The following SLC22A23 variants were observed in gnomAD, a reference collection of about 807,000 sequenced individuals.
SLC22A23 encodes the protein solute carrier family 22 member 23.
A neutral mutation model predicts 61.0 loss-of-function variants in SLC22A23; 26 were observed. The ratio of observed to expected loss-of-function variants is 0.43; its 90% CI spans 0.31 to 0.59. SLC22A23 has a LOEUF of 0.59. Ranked by LOEUF, SLC22A23 falls within the 20% of genes least tolerant of loss-of-function variation. SLC22A23 has a pLI of 0.11. For missense variants in SLC22A23, 796 were observed against 934.7 expected, an observed-to-expected ratio of 0.85 and a Z score of 1.94; for synonymous variants, 430 against 413.9, an observed-to-expected ratio of 1.04 and a Z score of -0.47.
intron 3 of SLC22A23, among the ~76,000 whole-genome samples, chr6:3,359,362 A>G (rs1343517726): frequency 6.6e-6 from 1 of 152,218 alleles, no homozygotes; most frequent in Non-Finnish European, 1.5e-5. Flanking sequence ...ACATATAACT[A>G]TCCATCTGAG....
At chr6:3,383,199 GAT>G (rs1767063957) in intron 3 of SLC22A23, among the ~76,000 whole-genome samples, 1 of 152,230 alleles carries the variant, frequency 6.6e-6, no homozygotes, top group Admixed American at 6.5e-5. Context: ...CTGAGTGAAA[GAT>G]AACGTATGGA....
intron 3 of SLC22A23, among the ~76,000 whole-genome samples, chr6:3,370,338 C>T (rs939357689): frequency 3.9e-5 from 6 of 152,232 alleles, no homozygotes; most frequent in East Asian, 1.9e-4. Flanking sequence ...TGAGGAATTG[C>T]GAGGCTCACC....
In SLC22A23 at chr6:3,452,639, G is replaced by C. The variant is rs1005010331; in HGVS notation, c.654+3267C>G. On this transcript the variant is annotated intron_variant, in intron 1 of 9. Transcript: ENST00000406686. ...AAAAAAAAAAAAAAAAAAAAAAAAA[G>C]CCTAGAGACTGACCTTGGGTTATTA... Among the ~76,000 whole-genome samples the C allele has an allele frequency of 7.4e-5, 6 of 81,206 alleles. No homozygotes were observed. In the East Asian group the frequency reaches 1.3e-3, roughly 17 times the overall value. 53.3% of individuals were successfully genotyped at this position (81,206 alleles called of 152,430 possible).
intron 7 of SLC22A23, among the ~76,000 whole-genome samples, chr6:3,285,509 G>T (rs1050676011): frequency 6.6e-6 from 1 of 152,222 alleles, no homozygotes; most frequent in Non-Finnish European, 1.5e-5. Flanking sequence ...CGGCTGCTTG[G>T]TGTTCGCCTG....
At chr6:3,381,374 C>T (rs1473494535) in intron 3 of SLC22A23, among the ~76,000 whole-genome samples, 1 of 152,176 alleles carries the variant, frequency 6.6e-6, no homozygotes, top group Non-Finnish European at 1.5e-5. Context: ...GGGACCTTTC[C>T]CTAGGACACC....
At chr6:3,307,311 A>G (rs562627414) in intron 4 of SLC22A23, among the ~76,000 whole-genome samples, 1 of 152,116 alleles carries the variant, frequency 6.6e-6, no homozygotes, top group Non-Finnish European at 1.5e-5. Context: ...CCTCCTGATG[A>G]CACATCTAGT....
intron 9 of SLC22A23, chr6:3,276,729 G>A (rs2127290913): frequency 6.6e-6 from 1 of 152,380 alleles, no homozygotes; most frequent in East Asian, 1.9e-4. Flanking sequence ...GATGCCTTCT[G>A]GTACAGGGTC....
At position 3,410,874 on chromosome 6, in the gene SLC22A23, C is replaced by T. The variant is rs1405175561; in HGVS notation, c.759-532G>A. Among the ~76,000 whole-genome samples, 1 of 152,210 alleles carries T rather than the reference C, an allele frequency of 6.6e-6. No homozygotes were observed. The highest frequency in any genetic ancestry group is 1.5e-5 in the Non-Finnish European group (1 of 68,042). The stretch of plus-strand genomic sequence containing the variant: ...GCCATCTGTCAATTTGTTTCAGCTA[C>T]ACGACGAGAAGTAATTTTTAAGGGA... On this transcript the variant is annotated intron_variant, in intron 2 of 9. Coordinates refer to ENST00000406686, the MANE Select transcript of SLC22A23 (RefSeq NM_015482.2). This position sits in a 1 kb window ranked among gnomAD's most constrained non-coding sequence, Gnocchi z 5.0.
intron 4 of SLC22A23, chr6:3,323,578 G>A (rs1016191357): frequency 3.6e-6 from 2 of 553,090 alleles, no homozygotes; most frequent in African/African-American, 1.9e-5. Flanking sequence ...AGCCAGACTG[G>A]CCAGTGCATT....
At chr6:3,415,710 G>T in intron 2 of SLC22A23, 42 bp downstream of exon 2, 1 of 1,354,330 alleles carries the variant, frequency 7.4e-7, no homozygotes, top group Non-Finnish European at 1.0e-6. Flanking sequence ...AAGGCGTGCT[G>T]TGGCCTCCAA....
chr6:3,337,233 G>A (rs1763908541), intron 3 of SLC22A23, among the ~76,000 whole-genome samples: 1 of 152,214 alleles, frequency 6.6e-6, no homozygotes, highest in Non-Finnish European at 1.5e-5. Context: ...GGAGAGCCAG[G>A]AGGCCTGTTT....
At chr6:3,338,890 T>C (rs1160585465) in intron 3 of SLC22A23, among the ~76,000 whole-genome samples, 5 of 152,204 alleles carry the variant, frequency 3.3e-5, no homozygotes, top group Non-Finnish European at 7.3e-5. Context: ...CTAGAACCAC[T>C]ATTCCATCAA....
At chr6:3,349,184 C>A (rs1764619879) in intron 3 of SLC22A23, among the ~76,000 whole-genome samples, 1 of 152,224 alleles carries the variant, frequency 6.6e-6, no homozygotes, top group Non-Finnish European at 1.5e-5. Context: ...GCTCTTCGTT[C>A]CTCCCTGCCA....
chr6:3,301,403 A>G (rs1478526938), intron 4 of SLC22A23, among the ~76,000 whole-genome samples: 2 of 152,264 alleles, frequency 1.3e-5, no homozygotes, highest in African/African-American at 4.8e-5. Flanking sequence ...CTTATCTAAG[A>G]AACAATATAT....
chr6:3,392,039 G>A (rs549494010), intron 3 of SLC22A23, among the ~76,000 whole-genome samples: 21 of 152,080 alleles, frequency 1.4e-4, no homozygotes, highest in African/African-American at 4.1e-4. Flanking sequence ...CTGTTAGAGC[G>A]TGTGGCAAAG....
At position 3,372,575 on chromosome 6, in the gene SLC22A23, G is replaced by A. The variant is rs73358782; in HGVS notation, c.913+37613C>T. On this transcript the variant is annotated intron_variant, in intron 3 of 9. Transcript: ENST00000406686. The surrounding 1 kb of genome is among the most constrained non-coding windows in gnomAD (Gnocchi z 4.7). ...TGGAGCTCTGTCGTGTACTGGTGGC[G>A]TGGCCTGAGGAAACCGTGGCTTCCC... 6.8e-3 allele frequency among the ~76,000 whole-genome samples: 1,042 copies of A among 152,282 alleles called. 18 individuals are homozygous for A. The highest frequency in any genetic ancestry group is 0.024 in the African/African-American group (1,006 of 41,558).
In SLC22A23 at chr6:3,294,601, C is replaced by A. The variant is rs867683608; in HGVS notation, c.1210+3490G>T. Among the ~76,000 whole-genome samples the A allele has an allele frequency of 4.6e-5, 7 of 152,330 alleles. 1 individual carries two copies. The South Asian group carries it at 1.4e-3, about 32-fold the overall frequency. On this transcript the variant is annotated intron_variant, in intron 5 of 9. Coordinates refer to ENST00000406686, the MANE Select transcript of SLC22A23 (RefSeq NM_015482.2). ...CGGGTCTCGTTTTTGCATTAGGCTG[C>A]TGGCCACACGGCCACATTGGGAACC...
chr6:3,312,762 A>G (rs1003877682), intron 4 of SLC22A23: 3 of 152,392 alleles, frequency 2.0e-5, no homozygotes, highest in Non-Finnish European at 4.4e-5. Flanking sequence ...ACCTGTCACC[A>G]GAGGCCCACT....
In SLC22A23 at chr6:3,271,240, A is replaced by ATGC. The variant is rs5873875; in HGVS notation, c.*1814_*1815insGCA. On this transcript the variant is annotated 3_prime_UTR_variant, in exon 10 of 10. Transcript: ENST00000406686. ...ACTTTAAAAAAGAGGGAAGGTGAGG[A>ATGC]GCTGGACGTGGAGCAAGTGGAGGCA... 1 of 151,792 alleles carries ATGC rather than the reference A, an allele frequency of 6.6e-6. No homozygotes were observed. The highest frequency in any genetic ancestry group is 1.5e-5 in the Non-Finnish European group (1 of 67,914). The allele number at this position is 151,792 out of a possible 1,614,324, so 9.4% of individuals were successfully genotyped here. A position where few individuals can be genotyped will look rare whatever the true frequency, so the allele number is the denominator to read the frequency against.
Sources: gnomAD v4.1 joint callset for allele counts (sites outside exome capture counted in the v4.1 genomes callset) on GRCh38, gnomAD v4.1.1 for gene constraint, Gnocchi (gnomAD v3.1) non-coding constraint, MANE v1.5 for transcripts, NCBI Gene and HGNC (gene_info 2026-07-23, HGNC 2026-07-21) for gene names.